The following ABHD6 variants were observed in gnomAD, a reference collection of about 807,000 sequenced individuals.
ABHD6 encodes the protein abhydrolase domain containing 6, acylglycerol lipase.
Under a neutral mutation model 38.8 loss-of-function variants are expected in ABHD6, and 33 were observed. The ratio of observed to expected loss-of-function variants is 0.85; its 90% CI spans 0.64 to 1.14. The LOEUF (loss-of-function observed/expected upper bound fraction) is 1.14. Among genes scored for constraint, ABHD6 ranks in the 50% most tolerant of loss-of-function variants. The pLI, the probability that ABHD6 is intolerant of heterozygous loss-of-function variation, is 0.00. For synonymous variants in ABHD6, 147 were observed against 161.6 expected, an observed-to-expected ratio of 0.91 and a Z score of 0.69; for missense variants, 380 against 422.6, an observed-to-expected ratio of 0.90 and a Z score of 0.88.
intron 1 of ABHD6, among the ~76,000 whole-genome samples, chr3:58,249,061 A>G (rs1408671168): frequency 6.6e-6 from 1 of 152,142 alleles, no homozygotes; most frequent in African/African-American, 2.4e-5. Flanking sequence ...ATTGGTCTTG[A>G]TTTGTAGGAA....
intron 3 of ABHD6, among the ~76,000 whole-genome samples, chr3:58,264,738 T>G (rs749222367): frequency 1.1e-4 from 17 of 152,040 alleles, no homozygotes; most frequent in Non-Finnish European, 2.1e-4. Flanking sequence ...ATAAAGGGTG[T>G]TCATATTTTT....
At position 58,293,305 on chromosome 3, in the gene ABHD6, C is replaced by T. The variant is rs760245814; in HGVS notation, c.838-284C>T. On this transcript the variant is annotated intron_variant, in intron 9 of 9. Coordinates refer to ENST00000478253, the MANE Select transcript of ABHD6 (RefSeq NM_001320126.2). This position sits in a 1 kb window ranked among gnomAD's most constrained non-coding sequence, Gnocchi z 4.4. ...TCCCCTGTGCTCTCTGACTTCCCCA[C>T]CATACCATAACCTCCTCAAGGGCAA... is the stretch of plus-strand genomic sequence containing the variant. Among the ~76,000 whole-genome samples, 9 of 152,220 alleles carry T rather than the reference C, an allele frequency of 5.9e-5. No individual in the cohort carries two copies. Among genetic ancestry groups the T allele is most frequent in the Non-Finnish European group, 1.2e-4 (8 of 68,038 alleles).
intron 2 of ABHD6, among the ~76,000 whole-genome samples, chr3:58,255,975 C>A (rs975364521): frequency 6.6e-6 from 1 of 152,026 alleles, no homozygotes; most frequent in African/African-American, 2.4e-5. Flanking sequence ...TGCAAGCCTA[C>A]AGAAAGATTG....
chr3:58,277,890 C>G (rs1416494491), intron 7 of ABHD6, among the ~76,000 whole-genome samples: 1 of 152,142 alleles, frequency 6.6e-6, no homozygotes, highest in African/African-American at 2.4e-5. Context: ...GTCATTCGTT[C>G]TATTTATGTG....
chr3:58,268,541 G>C (rs2107452755), intron 4 of ABHD6, among the ~76,000 whole-genome samples: 1 of 152,220 alleles, frequency 6.6e-6, no homozygotes, highest in East Asian at 1.9e-4. Flanking sequence ...AGCATCCCTG[G>C]CTCCCACATC....
At chr3:58,247,589 T>G (rs1340494507) in intron 1 of ABHD6, among the ~76,000 whole-genome samples, 2 of 152,202 alleles carry the variant, frequency 1.3e-5, no homozygotes, top group African/African-American at 4.8e-5. Context: ...TTTTGTTTGT[T>G]TGTTTTTGAG....
Position 58,273,300 on chromosome 3 carries a change from C to T in ABHD6, c.524-1358C>T, listed in dbSNP as rs926555244. On this transcript the variant is annotated intron_variant, in intron 6 of 9. Coordinates refer to ENST00000478253, the MANE Select transcript of ABHD6 (RefSeq NM_001320126.2). This position sits in a 1 kb window ranked among gnomAD's most constrained non-coding sequence, Gnocchi z 4.8. ...TTTTGCTGGGTGAGGTAGCTCACAC[C>T]TGTAATCCCAACACTTTGGGAGGCT... Among the ~76,000 whole-genome samples the T allele has an allele frequency of 1.3e-5, 2 of 152,004 alleles. No individual in the cohort carries two copies. Among genetic ancestry groups the T allele is most frequent in the African/African-American group, 4.8e-5 (2 of 41,376 alleles).
intron 6 of ABHD6, 32 bp downstream of exon 6, chr3:58,271,096 G>C (rs569459397): frequency 6.4e-7 from 1 of 1,560,416 alleles, no homozygotes; most frequent in African/African-American, 1.4e-5. Context: ...TCCCTCGGCA[G>C]GGATGAATCC....
rs2097447433 is a variant in ABHD6 at position 58,274,644 on chromosome 3, T to A, written c.524-14T>A. On this transcript the variant is annotated splice_polypyrimidine_tract_variant and intron_variant, in intron 6 of 9. Transcript: ENST00000478253. ...TGGATGTATCATCAAGCCATTTGGGTTTGAATCCCACAGGCCTGCAGTACT... is the reference window on the plus strand; with the variant it reads ...TGGATGTATCATCAAGCCATTTGGGATTGAATCCCACAGGCCTGCAGTACT... 6.2e-7 allele frequency: 1 copy of A among 1,611,064 alleles called. No homozygotes were observed. The highest frequency in any genetic ancestry group is 8.5e-7 in the Non-Finnish European group (1 of 1,178,650).
At chr3:58,286,997 C>T (rs538853012) in intron 9 of ABHD6, among the ~76,000 whole-genome samples, 1 of 151,628 alleles carries the variant, frequency 6.6e-6, no homozygotes, top group Non-Finnish European at 1.5e-5. Flanking sequence ...TGAAAGAAGG[C>T]CAGGCATGGT....
intron 7 of ABHD6, among the ~76,000 whole-genome samples, chr3:58,278,218 A>C (rs571188132): frequency 2.0e-5 from 3 of 152,284 alleles, no homozygotes; most frequent in South Asian, 4.1e-4. Context: ...TCGCCTGTAA[A>C]TCTGTCTGGT....
At position 58,238,679 on chromosome 3, in the gene ABHD6, G is replaced by C. The variant is rs542017651; in HGVS notation, c.-91+763G>C. 1 of 153,704 alleles carries C rather than the reference G, an allele frequency of 6.5e-6. No homozygotes were observed. Among genetic ancestry groups the C allele is most frequent in the East Asian group, 1.9e-4 (1 of 5,232 alleles). The allele number at this position is 153,704 out of a possible 1,614,324, so 9.5% of individuals were successfully genotyped here. ...TGAGGCATGGGGGAGTGGGGGAAGAGGAGGATGCCAGAGGGTCTAGATACT... is the reference window on the plus strand; with the variant it reads ...TGAGGCATGGGGGAGTGGGGGAAGACGAGGATGCCAGAGGGTCTAGATACT... On this transcript the variant is annotated intron_variant, in intron 1 of 9. Transcript: ENST00000478253. This position sits in a 1 kb window ranked among gnomAD's most constrained non-coding sequence, Gnocchi z 6.9.
At chr3:58,276,893 T>G (rs1202823059) in intron 7 of ABHD6, among the ~76,000 whole-genome samples, 1 of 152,252 alleles carries the variant, frequency 6.6e-6, no homozygotes, top group Non-Finnish European at 1.5e-5. Context: ...TTTCTTGTTT[T>G]TGTCAGGTTT....
Position 58,256,231 on chromosome 3 carries a change from A to T in ABHD6, c.-25-331A>T, listed in dbSNP as rs1048373642. On this transcript the variant is annotated intron_variant, in intron 2 of 9. Transcript: ENST00000478253. This position sits in a 1 kb window ranked among gnomAD's most constrained non-coding sequence, Gnocchi z 4.3. ...GGAAGATATTCTCCTACATACATAC[A>T]TAATCACAATTTCATCATCATACTC... 6.6e-6 allele frequency among the ~76,000 whole-genome samples: 1 copy of T among 152,222 alleles called. No individual in the cohort carries two copies. The highest frequency in any genetic ancestry group is 2.4e-5 in the African/African-American group (1 of 41,462).
At chr3:58,291,622 C>T (rs1289783162) in intron 9 of ABHD6, among the ~76,000 whole-genome samples, 4 of 152,192 alleles carry the variant, frequency 2.6e-5, no homozygotes, top group African/African-American at 9.6e-5. Flanking sequence ...ATGGTTCCCA[C>T]AGATGTGCAT....
intron 7 of ABHD6, among the ~76,000 whole-genome samples, chr3:58,281,204 G>A (rs1236896168): frequency 6.6e-6 from 1 of 152,254 alleles, no homozygotes; most frequent in African/African-American, 2.4e-5. Context: ...GCCCACACAG[G>A]TGGAGTCTAG....
chr3:58,277,959 C>A (rs1458916321), intron 7 of ABHD6, among the ~76,000 whole-genome samples: 2 of 152,178 alleles, frequency 1.3e-5, no homozygotes, highest in Non-Finnish European at 2.9e-5. Context: ...AGGGATGAAG[C>A]CGACTTGATC....
At chr3:58,246,860 C>A (rs575404822) in intron 1 of ABHD6, among the ~76,000 whole-genome samples, 1 of 152,180 alleles carries the variant, frequency 6.6e-6, no homozygotes, top group Non-Finnish European at 1.5e-5. Flanking sequence ...GCAGGCATAA[C>A]CTTTGGACAG....
rs565509439 is a variant in ABHD6 at position 58,285,676 on chromosome 3, A to G, written c.837+223A>G. ...GTAAAAGGAAAGACAATTTTAAATCATTTTCAAAAATTGTTTTTATCAAAG... is the reference window on the plus strand; with the variant it reads ...GTAAAAGGAAAGACAATTTTAAATCGTTTTCAAAAATTGTTTTTATCAAAG... On this transcript the variant is annotated intron_variant, in intron 9 of 9. Transcript: ENST00000478253. The surrounding 1 kb of genome is among the most constrained non-coding windows in gnomAD (Gnocchi z 4.9). Among the ~76,000 whole-genome samples, 1 of 152,270 alleles carries G rather than the reference A, an allele frequency of 6.6e-6. No individual in the cohort carries two copies. The highest frequency in any genetic ancestry group is 1.9e-4 in the East Asian group (1 of 5,188).
Sources: gnomAD v4.1 joint callset for allele counts (sites outside exome capture counted in the v4.1 genomes callset) on GRCh38, gnomAD v4.1.1 for gene constraint, Gnocchi (gnomAD v3.1) non-coding constraint, MANE v1.5 for transcripts, NCBI Gene and HGNC (gene_info 2026-07-23, HGNC 2026-07-21) for gene names.